Variants in TMTC4 observed in about 807,000 individuals in gnomAD.
The protein encoded by TMTC4 is transmembrane O-mannosyltransferase targeting cadherins 4.
In TMTC4, 65 loss-of-function variants were observed where a neutral mutation model predicts 86.0. The observed-to-expected ratio is 0.76, with a 90% CI of 0.62 to 0.93. The LOEUF (loss-of-function observed/expected upper bound fraction) is 0.93, where lower values mean the gene tolerates loss of function less well. Among genes scored for constraint, TMTC4 ranks in the 40% least tolerant of loss-of-function variants. The pLI, the probability that TMTC4 is intolerant of heterozygous loss-of-function variation, is 0.00. For synonymous variants in TMTC4, 379 were observed against 382.5 expected (o/e 0.99, Z 0.11); for missense variants, 866 against 948.1 (o/e 0.91, Z 1.14).
At chr13:100,653,425 C>T (rs902547681) in intron 6 of TMTC4, among the ~76,000 whole-genome samples, 2 of 152,018 alleles carry the variant, frequency 1.3e-5, no homozygotes, top group Admixed American at 6.6e-5. Context: ...TGTCGCCGGG[C>T]CAGGGAACGA....
At position 100,668,730 on chromosome 13, in the gene TMTC4, A is replaced by C; in HGVS notation, c.68T>G (p.Leu23Trp). The change falls in exon 3 of 19, where the codon TTG (leucine) becomes TGG (tryptophan). Residue 23 changes from leucine to tryptophan, a missense_variant. Transcript: ENST00000342624. ...HQPAVFRMAV[L>W]DTDLDHILPS... ...AAGAATGTGATCCAAATCAGTGTCC[A>C]ACACGGCCATTCTGAAAACTGCAGG... The C allele has an allele frequency of 6.2e-7, 1 of 1,614,264 alleles. No individual in the cohort carries two copies. Among genetic ancestry groups the C allele is most frequent in the Non-Finnish European group, 8.5e-7 (1 of 1,180,050 alleles).
chr13:100,674,506 C>A, intron 1 of TMTC4: 1 of 962,192 alleles, frequency 1.0e-6, no homozygotes, highest in Non-Finnish European at 1.2e-6. Flanking sequence ...GGGCGCGCAG[C>A]CTCCACGCCG....
chr13:100,624,142 T>C (rs1486645939), intron 15 of TMTC4: 1 of 160,304 alleles, frequency 6.2e-6, no homozygotes, highest in African/African-American at 2.4e-5. Context: ...CTGGCTAACA[T>C]GGTGAAATCC....
At chr13:100,615,180 C>A (rs184873436) in intron 15 of TMTC4, among the ~76,000 whole-genome samples, 1 of 152,070 alleles carries the variant, frequency 6.6e-6, no homozygotes, top group African/African-American at 2.4e-5. Flanking sequence ...CACTGTTGCC[C>A]GGGCTGGAGT....
intron 5 of TMTC4, 92 bp from the exon 6 acceptor site, chr13:100,656,560 T>TTTTTTTG: frequency 1.5e-6 from 1 of 674,334 alleles, no homozygotes. Context: ...TTTTTTTTTT[T>TTTTTTTG]GCGACAGGGT....
At chr13:100,624,196 G>T (rs866389163) in intron 15 of TMTC4, among the ~76,000 whole-genome samples, 30 of 151,844 alleles carry the variant, frequency 2.0e-4, no homozygotes, top group African/African-American at 6.5e-4. Context: ...CATGGTGGCG[G>T]GCGCCTATAG....
At chr13:100,674,345 G>A (rs1215803709) in intron 1 of TMTC4, 4 of 978,490 alleles carry the variant, frequency 4.1e-6, no homozygotes, top group Non-Finnish European at 4.8e-6. Context: ...CCAGGCGCGG[G>A]GCCCCGCGGC....
At chr13:100,646,811 A>G (rs1234710886) in intron 6 of TMTC4, among the ~76,000 whole-genome samples, 2 of 152,244 alleles carry the variant, frequency 1.3e-5, no homozygotes, top group East Asian at 3.8e-4. Flanking sequence ...GAGCCACAAC[A>G]ACAACAAAAC....
intron 6 of TMTC4, among the ~76,000 whole-genome samples, chr13:100,647,416 C>G (rs1883902169): frequency 6.6e-6 from 1 of 152,120 alleles, no homozygotes; most frequent in African/African-American, 2.4e-5. Flanking sequence ...ACCCTCCACC[C>G]CACCCCATCC....
chr13:100,662,605 C>A (rs1210866714), intron 5 of TMTC4, among the ~76,000 whole-genome samples: 1 of 152,154 alleles, frequency 6.6e-6, no homozygotes, highest in Non-Finnish European at 1.5e-5. Flanking sequence ...GAACTTTAGA[C>A]CCCGAAGTCC....
At chr13:100,649,613 G>A (rs1357969745) in intron 6 of TMTC4, among the ~76,000 whole-genome samples, 1 of 151,854 alleles carries the variant, frequency 6.6e-6, no homozygotes, top group Non-Finnish European at 1.5e-5. Flanking sequence ...CATTTTTCTT[G>A]CAATTATGAG....
chr13:100,615,732 C>T (rs760616353), intron 15 of TMTC4, among the ~76,000 whole-genome samples: 1 of 152,226 alleles, frequency 6.6e-6, no homozygotes, highest in African/African-American at 2.4e-5. Context: ...GGATTACAGG[C>T]GTGGGCCACC....
At chr13:100,662,867 G>A in intron 5 of TMTC4, 97 bp downstream of exon 5, 1 of 1,285,682 alleles carries the variant, frequency 7.8e-7, no homozygotes, top group Non-Finnish European at 1.1e-6. Context: ...AACCAAGATG[G>A]GTACATAAAG....
At chr13:100,642,509 G>T (rs1264230424) in intron 6 of TMTC4, among the ~76,000 whole-genome samples, 198 bp from the exon 7 acceptor site, 2 of 152,082 alleles carry the variant, frequency 1.3e-5, no homozygotes, top group Admixed American at 6.5e-5. Flanking sequence ...CCCACTCAAG[G>T]CTCTCCTGAG....
Position 100,664,316 on chromosome 13 carries a change from G to A in TMTC4, c.240C>T (p.Pro80=), listed in dbSNP as rs754867639. ...VNNKDLQAET[P]LGDLWHHDFW... The stretch of plus-strand genomic sequence containing the variant: ...AGTCATGATGCCACAGGTCCCCCAG[G>A]GGCGTTTCTGCTTGGAGGTCCTGCA... The change falls in exon 4 of 19, where the codon CCC becomes CCT. Residue 80 remains proline (P), a synonymous_variant. Coordinates refer to ENST00000342624, the MANE Select transcript of TMTC4 (RefSeq NM_032813.5). 2.4e-5 allele frequency: 39 copies of A among 1,610,204 alleles called. No individual in the cohort carries two copies. Among genetic ancestry groups the A allele is most frequent in the Non-Finnish European group, 3.2e-5 (38 of 1,178,210 alleles).
At chr13:100,640,813 A>T (rs889449859) in intron 7 of TMTC4, among the ~76,000 whole-genome samples, 1 of 150,864 alleles carries the variant, frequency 6.6e-6, no homozygotes, top group Non-Finnish European at 1.5e-5. Flanking sequence ...TCTGTCTCAA[A>T]AAAAAAAAAA....
chr13:100,614,539 T>C (rs868741310), intron 15 of TMTC4, 109 bp from the exon 16 acceptor site: 2 of 835,990 alleles, frequency 2.4e-6, no homozygotes, highest in African/African-American at 1.8e-5. Context: ...CAAACAACAA[T>C]AAAAAACCAA....
Position 100,626,109 on chromosome 13 carries a change from G to T in TMTC4, c.1548C>A (p.Asn516Lys). 1 of 1,614,204 alleles carries T rather than the reference G, an allele frequency of 6.2e-7. No homozygotes were observed. The highest frequency in any genetic ancestry group is 8.5e-7 in the Non-Finnish European group (1 of 1,180,042). The change falls in exon 13 of 19, where the codon AAC (asparagine) becomes AAA (lysine). Residue 516 changes from asparagine (N) to lysine (K), a missense_variant. Coordinates refer to ENST00000342624, the MANE Select transcript of TMTC4 (RefSeq NM_032813.5). ...GGTAGTATCTGATGGCAGCTGTCTG[G>T]TTGCCTTTATCAGCCAGGTTTTTGC... The part of the protein sequence containing the change: ...NIGKNLADKG[N>K]QTAAIRYYRE...
chr13:100,665,972 C>G (rs758147283), intron 3 of TMTC4: 1 of 455,654 alleles, frequency 2.2e-6, no homozygotes, highest in South Asian at 1.6e-5. Context: ...AGCCTACCTT[C>G]TTCTACACTC....
Sources: allele counts gnomAD v4.1 joint callset (sites outside exome capture counted in the v4.1 genomes callset), GRCh38; gene constraint gnomAD v4.1.1; transcripts MANE v1.5; gene names NCBI Gene and HGNC (gene_info 2026-07-23, HGNC 2026-07-21).